The following RIPOR3 variants were observed in gnomAD, a reference collection of about 807,000 sequenced individuals.
RIPOR3 encodes RIPOR family member 3.
Under a neutral mutation model 114.3 loss-of-function variants are expected in RIPOR3, and 95 were observed. That is an observed-to-expected ratio of 0.83 (90% confidence interval 0.70 to 0.99). RIPOR3 has a LOEUF of 0.99. Among genes scored for constraint, RIPOR3 ranks in the 50% least tolerant of loss-of-function variants. The pLI, the probability that RIPOR3 is intolerant of heterozygous loss-of-function variation, is 0.00. For synonymous variants in RIPOR3, 575 were observed against 543.8 expected (o/e 1.06, Z -0.80); for missense variants, 1,252 against 1,266.9 (o/e 0.99, Z 0.18).
intron 1 of RIPOR3, among the ~76,000 whole-genome samples, chr20:50,687,848 A>T (rs2087080809): frequency 6.6e-6 from 1 of 151,892 alleles, no homozygotes; most frequent in Admixed American, 6.6e-5. Flanking sequence ...AGTTGCAGTG[A>T]GCCATGATTA....
chr20:50,626,181 GAGCTCGACGGAGACAGGA>G (rs1297955049), intron 2 of RIPOR3, among the ~76,000 whole-genome samples: 1 of 152,264 alleles, frequency 6.6e-6, no homozygotes, highest in Admixed American at 6.5e-5. Flanking sequence ...AGACCCCAGG[GAGCTCGACGGAGACAGGA>G]AGTTAAAAAT....
At chr20:50,601,294 CGTG>C (rs1473131358) in intron 13 of RIPOR3, among the ~76,000 whole-genome samples, 5 of 152,056 alleles carry the variant, frequency 3.3e-5, no homozygotes, top group Admixed American at 6.6e-5. Flanking sequence ...ATTAGCCAGG[CGTG>C]GTGGTGTGCA....
intron 1 of RIPOR3, chr20:50,636,843 C>A (rs2085006941): frequency 1.0e-6 from 1 of 985,464 alleles, no homozygotes; most frequent in Non-Finnish European, 1.2e-6. Flanking sequence ...CCAGAGGGAA[C>A]CTGCAATTTC....
At chr20:50,589,307 CTTTTTTTTTT>C (rs1241590522) in intron 20 of RIPOR3, among the ~76,000 whole-genome samples, 1 of 137,704 alleles carries the variant, frequency 7.3e-6, no homozygotes, top group Non-Finnish European at 1.6e-5. Flanking sequence ...TATTTTGTAA[CTTTTTTTTTT>C]TTTTTTTTAA....
chr20:50,616,375 C>G (rs74667441), intron 3 of RIPOR3, among the ~76,000 whole-genome samples: 4 of 152,152 alleles, frequency 2.6e-5, no homozygotes, highest in Admixed American at 1.3e-4. Context: ...AAGGTCCCCC[C>G]TCTCTCGCCC....
chr20:50,669,514 G>A (rs930380059), intron 1 of RIPOR3, among the ~76,000 whole-genome samples: 1 of 152,188 alleles, frequency 6.6e-6, no homozygotes, highest in Admixed American at 6.5e-5. Flanking sequence ...AGAGGACCAT[G>A]GCAGATCTAG....
rs942940961 is a variant in RIPOR3 at position 50,647,478 on chromosome 20, CTTTTTTTTTTTTT to C, written c.4-16635_4-16623del. ...TCAAGTCTAGCCTTTGCCTCATTCT[CTTTTTTTTTTTTT>C]TTTTTTTTTGAGATGGAGTCTTGCT... is the stretch of plus-strand genomic sequence containing the variant. On this transcript the variant is annotated intron_variant, in intron 1 of 21. Coordinates refer to ENST00000327979, the MANE Select transcript of RIPOR3 (RefSeq NM_001290268.2). 5.9e-3 allele frequency among the ~76,000 whole-genome samples: 595 copies of C among 100,358 alleles called. 2 individuals carry two copies. The highest frequency in any genetic ancestry group is 0.014 in the Admixed American group (126 of 9,050). The allele number at this position is 100,358 out of a possible 152,430, so 65.8% of individuals were successfully genotyped here. A position where few individuals can be genotyped will look rare whatever the true frequency, so the allele number is the denominator to read the frequency against.
chr20:50,641,280 T>A (rs2085184656), intron 1 of RIPOR3, among the ~76,000 whole-genome samples: 1 of 152,014 alleles, frequency 6.6e-6, no homozygotes, highest in African/African-American at 2.4e-5. Flanking sequence ...AGTGGTGGGA[T>A]CACAGCTCAC....
chr20:50,665,717 C>T (rs1470864380), intron 1 of RIPOR3, among the ~76,000 whole-genome samples: 1 of 152,012 alleles, frequency 6.6e-6, no homozygotes, highest in Non-Finnish European at 1.5e-5. Flanking sequence ...ACTGTGCCTG[C>T]CGGGTGGGTT....
intron 19 of RIPOR3, 131 bp from the exon 20 acceptor site, chr20:50,589,900 A>C: frequency 1.4e-6 from 1 of 731,322 alleles, no homozygotes; most frequent in Non-Finnish European, 2.4e-6. Flanking sequence ...CGTTCAGGAC[A>C]CGATCGGTCC....
intron 2 of RIPOR3, among the ~76,000 whole-genome samples, chr20:50,628,613 C>A (rs1222957858): frequency 2.0e-5 from 3 of 152,158 alleles, no homozygotes; most frequent in Non-Finnish European, 4.4e-5. Flanking sequence ...CCTCCCCCAC[C>A]CCCAGTTCAG....
chr20:50,597,104 T>G (rs2083320767), intron 14 of RIPOR3: 4 of 154,812 alleles, frequency 2.6e-5, no homozygotes, highest in Admixed American at 2.6e-4. Context: ...TAGCTGAGAT[T>G]ACAGGCTCTT....
chr20:50,608,324 G>C, intron 11 of RIPOR3, 65 bp downstream of exon 11: 1 of 1,601,864 alleles, frequency 6.2e-7, no homozygotes. Flanking sequence ...CAGGGCCAGA[G>C]TGTGGCCAGG....
chr20:50,587,123 C>G lies in RIPOR3; in HGVS notation c.*109G>C, dbSNP rs1047671120. 9.8e-6 allele frequency: 8 copies of G among 817,662 alleles called. No individual in the cohort carries two copies. Among genetic ancestry groups the G allele is most frequent in the Non-Finnish European group, 1.6e-5 (8 of 491,828 alleles). 50.7% of individuals were successfully genotyped at this position (817,662 alleles called of 1,614,324 possible). A position where few individuals can be genotyped will look rare whatever the true frequency, so the allele number is the denominator to read the frequency against. On this transcript the variant is annotated 3_prime_UTR_variant, in exon 22 of 22. Transcript: ENST00000327979. ...GTCTCAGGTAGAGCTCTGGGCAGCT[C>G]ACACTCCTGGAGGAGTGCACAGCAC...
chr20:50,681,240 A>G (rs1249821075), intron 1 of RIPOR3, among the ~76,000 whole-genome samples: 5 of 122,558 alleles, frequency 4.1e-5, no homozygotes, highest in Non-Finnish European at 4.8e-5. Context: ...AAAAAAAAAA[A>G]AAGAAAAGAA....
intron 1 of RIPOR3, among the ~76,000 whole-genome samples, chr20:50,642,352 GTGT>G (rs2085232532): frequency 1.3e-5 from 1 of 76,930 alleles, no homozygotes; most frequent in East Asian, 3.0e-4. Context: ...GTGGGTGTGT[GTGT>G]GTGTGTGTGT....
intron 20 of RIPOR3, among the ~76,000 whole-genome samples, chr20:50,589,036 C>T (rs1265259305): frequency 1.5e-5 from 2 of 135,498 alleles, no homozygotes; most frequent in African/African-American, 2.8e-5. Flanking sequence ...GAGCCGAGAT[C>T]GCGCCACTGC....
At chr20:50,597,386 G>C in intron 14 of RIPOR3, 194 bp downstream of exon 14, 1 of 746,100 alleles carries the variant, frequency 1.3e-6, no homozygotes, top group Non-Finnish European at 2.1e-6. Flanking sequence ...CCACTTCGTG[G>C]TCTCTGAGGA....
At chr20:50,618,448 G>A (rs914049917) in intron 3 of RIPOR3, among the ~76,000 whole-genome samples, 1 of 152,070 alleles carries the variant, frequency 6.6e-6, no homozygotes, top group African/African-American at 2.4e-5. Flanking sequence ...CTCTAGCCAC[G>A]CTGGCCTCCT....
Sources: gnomAD v4.1 joint callset for allele counts (sites outside exome capture counted in the v4.1 genomes callset) on GRCh38, gnomAD v4.1.1 for gene constraint, MANE v1.5 for transcripts, NCBI Gene and HGNC (gene_info 2026-07-23, HGNC 2026-07-21) for gene names.